The following LYPLAL1 variants were observed in gnomAD, a reference collection of about 807,000 sequenced individuals.
LYPLAL1 encodes lysophospholipase like 1, also known as lysophospholipase-like protein 1.
LYPLAL1 carries 23 observed loss-of-function variants against 19.7 expected under a neutral mutation model. The ratio of observed to expected loss-of-function variants is 1.17; its 90% CI spans 0.84 to 1.65. LYPLAL1 has a LOEUF of 1.65. Ranked by LOEUF, LYPLAL1 falls within the 40% of genes most tolerant of loss-of-function variation. LYPLAL1 has a pLI of 0.00. For synonymous variants in LYPLAL1, 119 were observed against 96.3 expected (o/e 1.24, Z -1.38); for missense variants, 355 against 279.4 (o/e 1.27, Z -1.93).
At chr1:219,427,074 G>T in the LYPLAL1 span, among the ~76,000 whole-genome samples, 1 of 152,198 alleles carries the variant, frequency 6.6e-6, no homozygotes, top group Non-Finnish European at 1.5e-5. Flanking sequence ...TCAGCTTTAT[G>T]CAAATAAGTG....
At chr1:219,395,566 TTGTC>T in the LYPLAL1 span, among the ~76,000 whole-genome samples, 32 of 152,270 alleles carry the variant, frequency 2.1e-4, no homozygotes, top group Non-Finnish European at 3.5e-4. Flanking sequence ...ATTCTGTAGG[TTGTC>T]TGTTTAAGAT....
At chr1:219,373,870 A>C in the LYPLAL1 span, among the ~76,000 whole-genome samples, 5 of 22,444 alleles carry the variant, frequency 2.2e-4, no homozygotes, top group Middle Eastern at 0.038. Flanking sequence ...TGTCAAAAAA[A>C]AAAAAAAAAA....
intron 3 of LYPLAL1, among the ~76,000 whole-genome samples, chr1:219,195,650 T>A (rs1309391155): frequency 1.3e-5 from 2 of 152,068 alleles, no homozygotes; most frequent in Admixed American, 1.3e-4. Context: ...TATTACATTT[T>A]AAAGAATCCT....
At chr1:219,433,862 G>C in the LYPLAL1 span, among the ~76,000 whole-genome samples, 1 of 152,208 alleles carries the variant, frequency 6.6e-6, no homozygotes. Flanking sequence ...CTAATTTGGT[G>C]TTCATCAATT....
At chr1:219,309,681 T>G in the LYPLAL1 span, among the ~76,000 whole-genome samples, 1 of 152,222 alleles carries the variant, frequency 6.6e-6, no homozygotes, top group African/African-American at 2.4e-5. Flanking sequence ...GCCTTCACCA[T>G]GTAAGAAATG....
At chr1:219,270,673 G>T in the LYPLAL1 span, 1 of 152,174 alleles carries the variant, frequency 6.6e-6, no homozygotes, top group Non-Finnish European at 1.5e-5. Flanking sequence ...GGCACAAGCT[G>T]CCAGCATTCA....
chr1:219,359,901 C>T, the LYPLAL1 span, among the ~76,000 whole-genome samples: 872 of 152,208 alleles, frequency 5.7e-3, 5 homozygotes, highest in Non-Finnish European at 8.0e-3. Context: ...GCATGACATC[C>T]GGTTATATAA....
At chr1:219,343,162 G>A in the LYPLAL1 span, among the ~76,000 whole-genome samples, 6 of 152,166 alleles carry the variant, frequency 3.9e-5, no homozygotes, top group African/African-American at 1.4e-4. Flanking sequence ...AATCAGCAAT[G>A]ATTTTGCAAA....
chr1:219,350,811 G>C, the LYPLAL1 span, among the ~76,000 whole-genome samples: 2 of 152,150 alleles, frequency 1.3e-5, no homozygotes, highest in African/African-American at 4.8e-5. Flanking sequence ...TTGTCAAAGA[G>C]CTGGACACTG....
At chr1:219,246,609 C>G in the LYPLAL1 span, among the ~76,000 whole-genome samples, 3 of 152,312 alleles carry the variant, frequency 2.0e-5, no homozygotes, top group East Asian at 5.8e-4. Context: ...CTCTTGGAGA[C>G]AGGGTCTCAC....
At chr1:219,208,163 T>C (rs1658720113) in intron 3 of LYPLAL1, among the ~76,000 whole-genome samples, 1 of 152,066 alleles carries the variant, frequency 6.6e-6, no homozygotes, top group African/African-American at 2.4e-5. Flanking sequence ...TCTGTGAACT[T>C]TTAGGAAAGC....
chr1:219,230,134 A>G, the LYPLAL1 span, among the ~76,000 whole-genome samples: 1 of 152,088 alleles, frequency 6.6e-6, no homozygotes, highest in Non-Finnish European at 1.5e-5. Flanking sequence ...TTTTTTTGAA[A>G]CAGAGTCTCA....
At chr1:219,444,664 A>G in the LYPLAL1 span, among the ~76,000 whole-genome samples, 1 of 152,180 alleles carries the variant, frequency 6.6e-6, no homozygotes, top group East Asian at 1.9e-4. Context: ...GTGCTTACGG[A>G]CGCCATAAAT....
chr1:219,277,448 G>A, the LYPLAL1 span, among the ~76,000 whole-genome samples: 2 of 152,060 alleles, frequency 1.3e-5, no homozygotes, highest in Non-Finnish European at 2.9e-5. Context: ...GACACTGTGG[G>A]TTTAGAACTC....
the LYPLAL1 span, among the ~76,000 whole-genome samples, chr1:219,410,501 A>G: frequency 1.3e-5 from 2 of 152,236 alleles, no homozygotes; most frequent in Non-Finnish European, 2.9e-5. Flanking sequence ...CAGTCCTCAG[A>G]GCCCTCGCTT....
chr1:219,261,745 G>C, the LYPLAL1 span, among the ~76,000 whole-genome samples: 1 of 152,166 alleles, frequency 6.6e-6, no homozygotes, highest in Non-Finnish European at 1.5e-5. Flanking sequence ...CTGTTAATCT[G>C]ATAGGTTTTT....
the LYPLAL1 span, among the ~76,000 whole-genome samples, chr1:219,370,298 C>T: frequency 6.6e-6 from 1 of 152,160 alleles, no homozygotes; most frequent in African/African-American, 2.4e-5. Flanking sequence ...CCTCTCACTG[C>T]AAGCCTGTGA....
At chr1:219,267,174 A>C in the LYPLAL1 span, among the ~76,000 whole-genome samples, 255 of 152,296 alleles carry the variant, frequency 1.7e-3, 2 homozygotes, top group African/African-American at 5.7e-3. Flanking sequence ...CAAAAACCCT[A>C]GGAGGAATCT....
the LYPLAL1 span, among the ~76,000 whole-genome samples, chr1:219,439,996 CAT>C: frequency 3.3e-3 from 157 of 47,134 alleles, 1 homozygote; most frequent in Middle Eastern, 0.012. Context: ...TATATACACA[CAT>C]ATATATATAT....
Sources: allele counts gnomAD v4.1 joint callset (sites outside exome capture counted in the v4.1 genomes callset), GRCh38; gene constraint gnomAD v4.1.1; transcripts MANE v1.5; gene names NCBI Gene and HGNC (gene_info 2026-07-23, HGNC 2026-07-21).